GPR107: variants seen among roughly 807,000 people sequenced by gnomAD.
The protein encoded by GPR107 is G protein-coupled receptor 107, also known as protein GPR107.
In GPR107, 31 loss-of-function variants were observed where a neutral mutation model predicts 75.5. The observed-to-expected ratio is 0.41, with a 90% CI of 0.31 to 0.55. GPR107 has a LOEUF of 0.55. Among genes scored for constraint, GPR107 ranks in the 20% least tolerant of loss-of-function variants. GPR107 has a pLI of 0.26. For missense variants in GPR107, 572 were observed against 665.7 expected, an observed-to-expected ratio of 0.86 and a Z score of 1.55; for synonymous variants, 267 against 251.3, an observed-to-expected ratio of 1.06 and a Z score of -0.59.
In GPR107 at chr9:130,084,047, C is replaced by CAT. The variant is rs139002438; in HGVS notation, c.564+466_564+467dup. Among the ~76,000 whole-genome samples, 746 of 130,866 alleles carry CAT rather than the reference C, an allele frequency of 5.7e-3. 22 individuals carry two copies. The highest frequency in any genetic ancestry group is 6.2e-3 in the African/African-American group (223 of 35,748). 85.9% of individuals were successfully genotyped at this position (130,866 alleles called of 152,430 possible). A position where few individuals can be genotyped will look rare whatever the true frequency, so the allele number is the denominator to read the frequency against. The stretch of plus-strand genomic sequence containing the variant: ...TGGAACCTGCAATACAGAGAGCTAA[C>CAT]ATATATATATATATATATATATGTA... On this transcript the variant is annotated intron_variant, in intron 6 of 17. Transcript: ENST00000347136.
intron 14 of GPR107, among the ~76,000 whole-genome samples, chr9:130,119,008 C>T (rs972906873): frequency 5.9e-5 from 9 of 152,218 alleles, no homozygotes; most frequent in African/African-American, 1.9e-4. Flanking sequence ...AGAAATAGCC[C>T]GCCCAGCCTT....
intron 14 of GPR107, 69 bp from the exon 15 acceptor site, chr9:130,124,846 T>G: frequency 2.2e-6 from 2 of 923,662 alleles, no homozygotes; most frequent in South Asian, 3.1e-5. Flanking sequence ...TGAGAAGGTA[T>G]CTGAATGAGG....
In GPR107 at chr9:130,127,534, G is replaced by A. The variant is rs199776309; in HGVS notation, c.1408G>A (p.Ala470Thr). 7.6e-5 allele frequency: 122 copies of A among 1,602,378 alleles called. 2 individuals carry two copies. The highest frequency in any genetic ancestry group is 6.6e-4 in the Middle Eastern group (4 of 6,058). ...GATCATTGCATTTCTCCTCAAACTC[G>A]CTGTTCCATTCCAGTGGAAGTGGCT... is the stretch of plus-strand genomic sequence containing the variant. ...TRIIAFLLKL[A>T]VPFQWKWLYQ... The change falls in exon 16 of 18, where the codon GCT becomes ACT. Residue 470 changes from alanine (A) to threonine (T), a missense_variant. By Grantham distance (58) the Ala-to-Thr change is moderately conservative (BLOSUM62 0). Coordinates refer to ENST00000347136, the MANE Select transcript of GPR107 (RefSeq NM_020960.5).
At position 130,137,952 on chromosome 9, in the gene GPR107, G is replaced by A. The variant is rs1038757297; in HGVS notation, c.*2831G>A. On this transcript the variant is annotated 3_prime_UTR_variant, in exon 18 of 18. Coordinates refer to ENST00000347136, the MANE Select transcript of GPR107 (RefSeq NM_020960.5). The stretch of plus-strand genomic sequence containing the variant: ...TATCCATGTTTCCTCTGAGAAATCT[G>A]TTGTGGACTGAAAGCGCTGCTGGCT... 6.6e-6 allele frequency: 1 copy of A among 152,248 alleles called. No homozygotes were observed. The highest frequency in any genetic ancestry group is 2.4e-5 in the African/African-American group (1 of 41,452). The allele number at this position is 152,248 out of a possible 1,614,324, so 9.4% of individuals were successfully genotyped here. A position where few individuals can be genotyped will look rare whatever the true frequency, so the allele number is the denominator to read the frequency against.
chr9:130,084,633 G>T lies in GPR107; in HGVS notation c.564+1031G>T, dbSNP rs1830573028. Among the ~76,000 whole-genome samples the T allele has an allele frequency of 1.3e-5, 2 of 151,922 alleles. 1 individual carries two copies. The highest frequency in any genetic ancestry group is 4.2e-4 in the South Asian group (2 of 4,818). On this transcript the variant is annotated intron_variant, in intron 6 of 17. Transcript: ENST00000347136. ...TCTCTACAAAAAATAGAAAATTAGC[G>T]GGCATGGTGGTATGCGCCTGTGGTC...
At chr9:130,054,186 T>C (rs1829668092) in intron 1 of GPR107, 113 bp downstream of exon 1, 3 of 1,059,864 alleles carry the variant, frequency 2.8e-6, no homozygotes, top group South Asian at 3.3e-5. Context: ...TCTTTGCCCC[T>C]GGCTGCGGCC....
At chr9:130,124,427 A>G (rs1021445192) in intron 14 of GPR107, among the ~76,000 whole-genome samples, 8 of 152,216 alleles carry the variant, frequency 5.3e-5, no homozygotes, top group Non-Finnish European at 7.3e-5. Context: ...CTTCAGTGAA[A>G]TTTGCAAAAT....
chr9:130,106,486 A>C (rs550723812), intron 13 of GPR107, among the ~76,000 whole-genome samples: 1 of 151,762 alleles, frequency 6.6e-6, no homozygotes, highest in Non-Finnish European at 1.5e-5. Flanking sequence ...AGTCCCAGCT[A>C]CTCGGGAGGC....
chr9:130,113,036 C>A (rs994484713), intron 14 of GPR107, among the ~76,000 whole-genome samples: 1 of 152,142 alleles, frequency 6.6e-6, no homozygotes, highest in African/African-American at 2.4e-5. Context: ...AGGCATGAGC[C>A]ACTGTGCCTG....
intron 14 of GPR107, chr9:130,110,328 TG>T: frequency 8.0e-7 from 1 of 1,249,644 alleles, no homozygotes; most frequent in Non-Finnish European, 1.1e-6. Context: ...GCTTTTGTCA[TG>T]GCCTGGGCAC....
At chr9:130,060,034 C>T (rs1829889330) in intron 1 of GPR107, among the ~76,000 whole-genome samples, 1 of 151,734 alleles carries the variant, frequency 6.6e-6, no homozygotes, top group African/African-American at 2.4e-5. Flanking sequence ...GCCACCAGGC[C>T]CAGCGTGATC....
In GPR107 at chr9:130,135,157, A is replaced by G. The variant is rs1831921500; in HGVS notation, c.*36A>G. 2.6e-6 allele frequency: 3 copies of G among 1,158,472 alleles called. No homozygotes were observed. The South Asian group carries it at 3.9e-5, about 15-fold the overall frequency. 71.8% of individuals were successfully genotyped at this position (1,158,472 alleles called of 1,614,324 possible). A position where few individuals can be genotyped will look rare whatever the true frequency, so the allele number is the denominator to read the frequency against. On this transcript the variant is annotated 3_prime_UTR_variant, in exon 18 of 18. Coordinates refer to ENST00000347136, the MANE Select transcript of GPR107 (RefSeq NM_020960.5). Reference sequence around the variant, plus strand: ...CCTGAGGATGGCACTGTCCAAGGAAACTGTTAACTTATTCATAGTCCTATT... The same window carrying G: ...CCTGAGGATGGCACTGTCCAAGGAAGCTGTTAACTTATTCATAGTCCTATT...
At chr9:130,083,147 C>T (rs1221620788) in intron 5 of GPR107, among the ~76,000 whole-genome samples, 1 of 151,796 alleles carries the variant, frequency 6.6e-6, no homozygotes, top group African/African-American at 2.4e-5. Flanking sequence ...TCTCAAACTC[C>T]TGACCTCAGG....
At chr9:130,109,592 C>T (rs1316890868) in intron 14 of GPR107, among the ~76,000 whole-genome samples, 8 of 140,024 alleles carry the variant, frequency 5.7e-5, no homozygotes, top group African/African-American at 8.0e-5. Context: ...TTTTTGGAGA[C>T]GAAGTCTCGC....
chr9:130,082,094 A>G (rs1830505363), intron 5 of GPR107, among the ~76,000 whole-genome samples: 1 of 152,080 alleles, frequency 6.6e-6, no homozygotes. Context: ...CAACCAGATC[A>G]TGCCTGAACT....
At chr9:130,070,418 C>T (rs770730966) in intron 1 of GPR107, among the ~76,000 whole-genome samples, 2 of 152,132 alleles carry the variant, frequency 1.3e-5, no homozygotes, top group Non-Finnish European at 2.9e-5. Context: ...ATTCTCCTGC[C>T]TCAGCCTCCC....
At chr9:130,116,426 C>G (rs1416201127) in intron 14 of GPR107, among the ~76,000 whole-genome samples, 1 of 152,192 alleles carries the variant, frequency 6.6e-6, no homozygotes, top group African/African-American at 2.4e-5. Context: ...TATTAACCAG[C>G]CTTTGTCATC....
rs7037476 is a variant in GPR107 at position 130,112,760 on chromosome 9, A to T, written c.1306+5221A>T. Among the ~76,000 whole-genome samples, 37,407 of 151,306 alleles carry T rather than the reference A, an allele frequency of 0.25. 4,691 individuals carry two copies. The highest frequency in any genetic ancestry group is 0.28 in the Non-Finnish European group (18,872 of 67,824). ...TTTTTTTGTTGTTTTTTATTTATTTATTTTTTTGAGACAGGGTCTTGCACT... is the reference window on the plus strand; with the variant it reads ...TTTTTTTGTTGTTTTTTATTTATTTTTTTTTTTGAGACAGGGTCTTGCACT... On this transcript the variant is annotated intron_variant, in intron 14 of 17. Transcript: ENST00000347136. The surrounding 1 kb of genome is among the most constrained non-coding windows in gnomAD (Gnocchi z 4.0).
At chr9:130,096,821 A>C (rs956097115) in intron 9 of GPR107, among the ~76,000 whole-genome samples, 1 of 152,182 alleles carries the variant, frequency 6.6e-6, no homozygotes, top group African/African-American at 2.4e-5. Flanking sequence ...CATTTATTTT[A>C]AGTTTACATA....
Sources: gnomAD v4.1 joint callset for allele counts (sites outside exome capture counted in the v4.1 genomes callset) on GRCh38, gnomAD v4.1.1 for gene constraint, Gnocchi (gnomAD v3.1) non-coding constraint, MANE v1.5 for transcripts, NCBI Gene and HGNC (gene_info 2026-07-23, HGNC 2026-07-21) for gene names.